Variants in CRK observed in about 807,000 individuals in gnomAD.
The protein encoded by CRK is adapter molecule crk.
Under a neutral mutation model 29.8 loss-of-function variants are expected in CRK, and 4 were observed. The ratio of observed to expected loss-of-function variants is 0.13; its 90% CI spans 0.07 to 0.31. The LOEUF (loss-of-function observed/expected upper bound fraction) is 0.31. CRK is among the 10% of genes least tolerant of loss of function. CRK has a pLI of 1.00. For synonymous variants in CRK, 153 were observed against 164.9 expected, an observed-to-expected ratio of 0.93 and a Z score of 0.55; for missense variants, 274 against 396.5, an observed-to-expected ratio of 0.69 and a Z score of 2.62.
In CRK at chr17:1,421,204, GA is replaced by G; in HGVS notation, c.*2308del. 1 of 152,146 alleles carries G rather than the reference GA, an allele frequency of 6.6e-6. No homozygotes were observed. Among genetic ancestry groups the G allele is most frequent in the Non-Finnish European group, 1.5e-5 (1 of 68,042 alleles). The allele number at this position is 152,146 out of a possible 1,614,324, so 9.4% of individuals were successfully genotyped here. A position where few individuals can be genotyped will look rare whatever the true frequency, so the allele number is the denominator to read the frequency against. On this transcript the variant is annotated 3_prime_UTR_variant, in exon 3 of 3. Transcript: ENST00000300574. ...CGGCCCTGGATCACTGATCACTGAG[GA>G]ATCCTTAGGACTTGAGTAGCGCTGC...
chr17:1,444,666 T>C (rs1413286022), intron 1 of CRK, among the ~76,000 whole-genome samples: 38 of 137,788 alleles, frequency 2.8e-4, no homozygotes, highest in African/African-American at 1.0e-3. Context: ...CCGTCTTTAC[T>C]AAAAAAAAAA....
At chr17:1,427,985 C>G (rs1482084196) in intron 2 of CRK, among the ~76,000 whole-genome samples, 2 of 151,956 alleles carry the variant, frequency 1.3e-5, no homozygotes, top group African/African-American at 4.8e-5. Flanking sequence ...TCACATCCCA[C>G]AAAGCTCTAA....
intron 2 of CRK, among the ~76,000 whole-genome samples, chr17:1,433,831 T>G (rs1274387938): frequency 1.4e-5 from 2 of 147,504 alleles, no homozygotes; most frequent in Admixed American, 6.8e-5. Flanking sequence ...TATGGTTTTT[T>G]TTTTTTTTTT....
intron 2 of CRK, among the ~76,000 whole-genome samples, chr17:1,431,766 T>C (rs933738564): frequency 1.3e-4 from 20 of 152,212 alleles, no homozygotes; most frequent in Non-Finnish European, 2.4e-4. Context: ...CTTGTAATGA[T>C]GGGTTTCACC....
Position 1,440,517 on chromosome 17 carries a change from C to T in CRK, c.242-3362G>A, listed in dbSNP as rs182247826. 2.1e-4 allele frequency among the ~76,000 whole-genome samples: 32 copies of T among 152,072 alleles called. No individual in the cohort carries two copies. In the East Asian group the frequency reaches 2.9e-3, roughly 14 times the overall value. On this transcript the variant is annotated intron_variant, in intron 1 of 2. Coordinates refer to ENST00000300574, the MANE Select transcript of CRK (RefSeq NM_016823.4). ...AAAAATGACTGGGCACAGTGGTTTA[C>T]GTCTGTAATCCCAGCACTTTGGGAG...
chr17:1,451,501 G>A (rs1302819501), intron 1 of CRK, among the ~76,000 whole-genome samples: 1 of 151,922 alleles, frequency 6.6e-6, no homozygotes, highest in Admixed American at 6.6e-5. Context: ...CAAAGTGCTG[G>A]AATTACAGGC....
At chr17:1,425,885 A>C (rs77869330) in intron 2 of CRK, among the ~76,000 whole-genome samples, 1,600 of 152,274 alleles carry the variant, frequency 0.011, 34 homozygotes, top group African/African-American at 0.037. Context: ...TAAGACACAG[A>C]GGTTGAGAAA....
intron 2 of CRK, among the ~76,000 whole-genome samples, chr17:1,426,888 C>T (rs9783834): frequency 0.021 from 3,185 of 151,040 alleles, 100 homozygotes; most frequent in African/African-American, 0.074. Flanking sequence ...ATAAATTAGC[C>T]AGGCATAGTA....
At chr17:1,455,507 T>C (rs1360396590) in intron 1 of CRK, among the ~76,000 whole-genome samples, 1 of 152,218 alleles carries the variant, frequency 6.6e-6, no homozygotes, top group Non-Finnish European at 1.5e-5. Context: ...GGATTCATTC[T>C]GGGCGCCGCT....
At chr17:1,433,181 C>G (rs1454861247) in intron 2 of CRK, among the ~76,000 whole-genome samples, 2 of 152,256 alleles carry the variant, frequency 1.3e-5, no homozygotes, top group East Asian at 1.9e-4. Context: ...AAAATCAGAA[C>G]CCAAATGGTA....
chr17:1,443,329 C>T (rs2073949459), intron 1 of CRK, among the ~76,000 whole-genome samples: 1 of 152,096 alleles, frequency 6.6e-6, no homozygotes, highest in African/African-American at 2.4e-5. Flanking sequence ...CTCAGCCTCC[C>T]AAATAGCTGG....
At position 1,422,061 on chromosome 17, in the gene CRK, C is replaced by T. The variant is rs2073730582; in HGVS notation, c.*1452G>A. 6.6e-6 allele frequency: 1 copy of T among 151,590 alleles called. No homozygotes were observed. Among genetic ancestry groups the T allele is most frequent in the South Asian group, 2.1e-4 (1 of 4,804 alleles). 9.4% of individuals were successfully genotyped at this position (151,590 alleles called of 1,614,324 possible). On this transcript the variant is annotated 3_prime_UTR_variant, in exon 3 of 3. Transcript: ENST00000300574. ...ATAAACAAAGAGCCAAAAATGAAGG[C>T]AGTTTACAATGTAATGTTCTTCAAC...
chr17:1,450,170 A>C (rs145078577), intron 1 of CRK, among the ~76,000 whole-genome samples: 2,983 of 152,040 alleles, frequency 0.02, 50 homozygotes, highest in East Asian at 0.091. Context: ...GTCCCACTGC[A>C]CTCCAGCCTG....
intron 2 of CRK, among the ~76,000 whole-genome samples, chr17:1,430,407 A>C (rs1203151769): frequency 6.7e-6 from 1 of 150,008 alleles, no homozygotes; most frequent in Non-Finnish European, 1.5e-5. Context: ...CCCAGGCTGG[A>C]GTGCAGTGGC....
intron 1 of CRK, among the ~76,000 whole-genome samples, chr17:1,454,271 T>G (rs971089370): frequency 6.6e-6 from 1 of 152,114 alleles, no homozygotes; most frequent in Non-Finnish European, 1.5e-5. Flanking sequence ...CCAGGCGCGG[T>G]GGCTCTTGCC....
chr17:1,427,992 C>G (rs2073798021), intron 2 of CRK, among the ~76,000 whole-genome samples: 1 of 151,878 alleles, frequency 6.6e-6, no homozygotes, highest in African/African-American at 2.4e-5. Context: ...CCACAAAGCT[C>G]TAAGAGGTGA....
At chr17:1,430,733 G>A (rs973393107) in intron 2 of CRK, among the ~76,000 whole-genome samples, 3 of 151,620 alleles carry the variant, frequency 2.0e-5, no homozygotes, top group East Asian at 1.9e-4. Context: ...CCTGACCAAC[G>A]TGGCTTTGAA....
rs138131942 is a variant in CRK at position 1,454,515 on chromosome 17, T to C, written c.241+1362A>G. Among the ~76,000 whole-genome samples the C allele has an allele frequency of 1.5e-3, 236 of 152,322 alleles. 3 individuals are homozygous for C. In the East Asian group the frequency reaches 0.039, roughly 25 times the overall value. ...TGGGTGACAGAGCAAGACTCCGTCT[T>C]AGAAAAGAGTAAAATAAAAATTGGT... On this transcript the variant is annotated intron_variant, in intron 1 of 2. Transcript: ENST00000300574.
chr17:1,428,851 CTCTT>C (rs541387759), intron 2 of CRK, among the ~76,000 whole-genome samples: 30 of 148,542 alleles, frequency 2.0e-4, no homozygotes, highest in Non-Finnish European at 4.2e-4. Context: ...CAGATTCTCT[CTCTT>C]TTTTTTTTAG....
Sources: gnomAD v4.1 joint callset for allele counts (sites outside exome capture counted in the v4.1 genomes callset) on GRCh38, gnomAD v4.1.1 for gene constraint, MANE v1.5 for transcripts, NCBI Gene and HGNC (gene_info 2026-07-23, HGNC 2026-07-21) for gene names.